Variants in DYNC2H1 observed in about 807,000 individuals in gnomAD.
DYNC2H1 encodes cytoplasmic dynein 2 heavy chain 1.
DYNC2H1 carries 410 observed loss-of-function variants against 570.0 expected under a neutral mutation model. That is an observed-to-expected ratio of 0.72 (90% CI 0.66 to 0.78). The LOEUF is 0.78. Among genes scored for constraint, DYNC2H1 ranks in the 30% least tolerant of loss-of-function variants. The pLI is 0.00. For missense variants in DYNC2H1, 4,865 were observed against 5,046.4 expected (o/e 0.96, Z 1.09); for synonymous variants, 1,688 against 1,677.6 (o/e 1.01, Z -0.15).
intron 82 of DYNC2H1, among the ~76,000 whole-genome samples, chr11:103,348,309 A>G (rs1035562737): frequency 1.3e-5 from 2 of 152,160 alleles, no homozygotes; most frequent in African/African-American, 4.8e-5. Context: ...ATTGGGGTTA[A>G]TTAGCATTCA....
intron 47 of DYNC2H1, among the ~76,000 whole-genome samples, chr11:103,195,828 G>A (rs1862489574): frequency 6.6e-6 from 1 of 152,032 alleles, no homozygotes; most frequent in African/African-American, 2.4e-5. Flanking sequence ...GTTTTGTGTA[G>A]TTTTCAGCAT....
chr11:103,113,769 C>A, intron 2 of DYNC2H1, 62 bp downstream of exon 2: 1 of 1,254,884 alleles, frequency 8.0e-7, no homozygotes, highest in Non-Finnish European at 1.1e-6. Context: ...TTCATATAAA[C>A]ATAAATATCT....
In DYNC2H1 at chr11:103,168,950, A is replaced by G. The variant is rs1212716671; in HGVS notation, c.4958A>G (p.Tyr1653Cys). The change falls in exon 32 of 89, where the codon TAT (tyrosine) becomes TGT (cysteine). Residue 1653 changes from tyrosine (Y) to cysteine (C), a missense_variant. By Grantham distance (194) the Tyr-to-Cys change is radical. Transcript: ENST00000375735. ...QMVDSEFQYT[Y>C]EYQGNASKLV... is the part of the protein sequence containing the mutation. ...GTGGATTCTGAATTTCAGTATACTT[A>G]TGAATATCAGGTATGAGTTGTGGCA... The G allele has an allele frequency of 6.2e-7, 1 of 1,610,020 alleles. No individual in the cohort carries two copies. Among genetic ancestry groups the G allele is most frequent in the Middle Eastern group, 1.7e-4 (1 of 5,784 alleles).
At chr11:103,348,529 A>G (rs1180744186) in intron 82 of DYNC2H1, among the ~76,000 whole-genome samples, 1 of 152,106 alleles carries the variant, frequency 6.6e-6, no homozygotes, top group African/African-American at 2.4e-5. Flanking sequence ...CTAGAGTTTT[A>G]TATAAAAGGA....
intron 75 of DYNC2H1, among the ~76,000 whole-genome samples, chr11:103,300,903 GTAGT>G (rs71861762): frequency 0.29 from 43,237 of 151,346 alleles, 6,916 homozygotes; most frequent in Non-Finnish European, 0.36. Context: ...AAGTCAGTAA[GTAGT>G]TATTTTAAAT....
chr11:103,344,743 A>G (rs1409159995), intron 82 of DYNC2H1, among the ~76,000 whole-genome samples: 5 of 152,174 alleles, frequency 3.3e-5, no homozygotes, highest in Non-Finnish European at 7.3e-5. Flanking sequence ...CTGATTTTGA[A>G]TTTTTACTAT....
At chr11:103,401,902 T>C (rs902102720) in intron 84 of DYNC2H1, 2 of 151,954 alleles carry the variant, frequency 1.3e-5, no homozygotes, top group Admixed American at 6.6e-5. Context: ...CAGGAAGAGG[T>C]AGTTAAGTTA....
chr11:103,233,992 C>G (rs1172095200), intron 60 of DYNC2H1, 42 bp from the exon 61 acceptor site: 3 of 1,534,238 alleles, frequency 2.0e-6, no homozygotes, highest in Admixed American at 2.1e-5. Context: ...AAATCTCTCC[C>G]AAATCCTTTT....
At chr11:103,311,757 TAACTC>T in intron 78 of DYNC2H1, 116 bp from the exon 79 acceptor site, 1 of 907,374 alleles carries the variant, frequency 1.1e-6, no homozygotes, top group East Asian at 2.8e-5. Flanking sequence ...CATAATAATT[TAACTC>T]AAACCCGGTA....
intron 83 of DYNC2H1, among the ~76,000 whole-genome samples, chr11:103,397,391 CGTT>C (rs1456501652): frequency 3.3e-5 from 5 of 151,892 alleles, no homozygotes; most frequent in Admixed American, 2.0e-4. Flanking sequence ...ACTGCATAGT[CGTT>C]GTAACATACT....
chr11:103,132,645 TGG>T (rs748436218), intron 13 of DYNC2H1, among the ~76,000 whole-genome samples: 503 of 48,832 alleles, frequency 0.01, 4 homozygotes, highest in African/African-American at 0.036. Context: ...CTGAGAGGGT[TGG>T]GGGTGTGTGT....
At chr11:103,216,496 A>G (rs929586372) in intron 55 of DYNC2H1, among the ~76,000 whole-genome samples, 11 of 152,074 alleles carry the variant, frequency 7.2e-5, no homozygotes, top group Admixed American at 4.6e-4. Context: ...TTAGCTTCAG[A>G]CTTGCTCAAT....
At position 103,309,168 on chromosome 11, in the gene DYNC2H1, A is replaced by ATTTTTTTTTTTTTTTTTTTTTT. The variant is rs386374721; in HGVS notation, c.11493+1340_11493+1361dup. On this transcript the variant is annotated intron_variant, in intron 78 of 88. Transcript: ENST00000375735. Reference sequence around the variant, plus strand: ...TTATTAGTGTTTGTAACTGCATGCTATTTTTTTTTTTTTTTTTTTTTTTTG... The same window carrying ATTTTTTTTTTTTTTTTTTTTTT: ...TTATTAGTGTTTGTAACTGCATGCTATTTTTTTTTTTTTTTTTTTTTTTTTTTTTTTTTTTTTTTTTTTTTTG... Among the ~76,000 whole-genome samples the ATTTTTTTTTTTTTTTTTTTTTT allele has an allele frequency of 3.4e-3, 184 of 54,640 alleles. 38 individuals carry two copies. The highest frequency in any genetic ancestry group is 3.9e-3 in the Non-Finnish European group (114 of 29,370). The allele number at this position is 54,640 out of a possible 152,430, so 35.8% of individuals were successfully genotyped here.
Position 103,257,695 on chromosome 11 carries a change from C to T in DYNC2H1, c.10549C>T (p.Arg3517Cys), listed in dbSNP as rs750834982. Residue 3517 changes from arginine (R) to cysteine (C), a missense_variant, in exon 69 of 89, where the codon CGT becomes TGT. Physicochemically the swap from Arg to Cys is radical, Grantham distance 180. Around this residue, in one of 5 missense-constraint regions of DYNC2H1, gnomAD observed 2,401 missense variants for 2,454.6 expected, o/e 0.98. Transcript: ENST00000375735. ...TTTGTCCAAAATTAATAACATGTAC[C>T]GTTTTAGTTTGGCTGCTTTTCTCCG... ...SDLSKINNMY[R>C]FSLAAFLRLF... 1.7e-5 allele frequency: 28 copies of T among 1,610,886 alleles called. No individual in the cohort carries two copies. The highest frequency in any genetic ancestry group is 1.6e-4 in the Middle Eastern group (1 of 6,078).
chr11:103,303,361 CA>C, intron 76 of DYNC2H1, 108 bp downstream of exon 76: 1 of 1,208,162 alleles, frequency 8.3e-7, no homozygotes, highest in Non-Finnish European at 1.1e-6. Flanking sequence ...ATAATGCCCC[CA>C]AAAATGTCTA....
intron 17 of DYNC2H1, among the ~76,000 whole-genome samples, chr11:103,140,850 C>T (rs11225564): frequency 0.057 from 8,642 of 152,266 alleles, 332 homozygotes; most frequent in Non-Finnish European, 0.084. Flanking sequence ...ACCCATCAGA[C>T]GTAGATTTGG....
intron 84 of DYNC2H1, among the ~76,000 whole-genome samples, chr11:103,432,527 A>T (rs1943928914): frequency 6.6e-6 from 1 of 152,140 alleles, no homozygotes; most frequent in South Asian, 2.1e-4. Context: ...TGTGTTGTTG[A>T]TGTTGCCAGT....
In DYNC2H1 at chr11:103,187,337, T is replaced by A. The variant is rs779114291; in HGVS notation, c.6894-3T>A. On this transcript the variant is annotated splice_polypyrimidine_tract_variant and splice_region_variant and intron_variant, in intron 42 of 88. Coordinates refer to ENST00000375735, the MANE Select transcript of DYNC2H1 (RefSeq NM_001377.3). ...AAAGTCAGATGTCATGCATTTTTCG[T>A]AGGATGCTGCTCAGGTACGCATTTT... The A allele has an allele frequency of 1.2e-6, 2 of 1,612,514 alleles. No homozygotes were observed. Among genetic ancestry groups the A allele is most frequent in the Admixed American group, 1.7e-5 (1 of 59,794 alleles).
intron 84 of DYNC2H1, chr11:103,405,382 C>T (rs572627891): frequency 6.6e-6 from 1 of 151,994 alleles, no homozygotes; most frequent in African/African-American, 2.4e-5. Flanking sequence ...AGAAGAAACA[C>T]CTGCCAAGTG....
Sources: gnomAD v4.1 joint callset for allele counts (sites outside exome capture counted in the v4.1 genomes callset) on GRCh38, gnomAD v4.1.1 for gene constraint, gnomAD v4.1.1 regional missense constraint, MANE v1.5 for transcripts, NCBI Gene and HGNC (gene_info 2026-07-23, HGNC 2026-07-21) for gene names.